The following ZBBX variants were observed in gnomAD, a reference collection of about 807,000 sequenced individuals.
ZBBX encodes the protein zinc finger B-box domain containing, also known as zinc finger B-box domain-containing protein 1.
In ZBBX, 101 loss-of-function variants were observed where a neutral mutation model predicts 108.5. The ratio of observed to expected loss-of-function variants is 0.93; its 90% confidence interval spans 0.79 to 1.10. The LOEUF (loss-of-function observed/expected upper bound fraction) is 1.10. Ranked by LOEUF, ZBBX falls within the 50% of genes least tolerant of loss-of-function variation. The probability of loss-of-function intolerance (pLI) is 0.00; values close to 1 mark genes in which losing one functional copy is unlikely to be tolerated. For missense variants in ZBBX, 1,009 were observed against 941.4 expected, an observed-to-expected ratio of 1.07 and a Z score of -0.94; for synonymous variants, 356 against 323.4, an observed-to-expected ratio of 1.10 and a Z score of -1.08.
At position 167,240,919 on chromosome 3, in the gene ZBBX, G is replaced by A; in HGVS notation, c.2394C>T (p.Ser798=). 1 of 1,612,444 alleles carries A rather than the reference G, an allele frequency of 6.2e-7. No individual in the cohort carries two copies. Among genetic ancestry groups the A allele is most frequent in the South Asian group, 1.1e-5 (1 of 91,038 alleles). ...VRGPCGVEEL[S]CSGRDTKIQS... is the part of the protein sequence containing the mutation. Reference sequence around the variant, plus strand: ...GAATTTTGGTATCTCTTCCAGAACAGCTGAAAATACATAACAAGATCAATA... The same window carrying A: ...GAATTTTGGTATCTCTTCCAGAACAACTGAAAATACATAACAAGATCAATA... The change falls in exon 22 of 22, where the codon AGC becomes AGT. Residue 798 remains serine, a splice_region_variant and synonymous_variant. Transcript: ENST00000675490.
At chr3:167,228,110 G>A in the ZBBX span, among the ~76,000 whole-genome samples, 4 of 151,760 alleles carry the variant, frequency 2.6e-5, no homozygotes, top group South Asian at 2.1e-4. Context: ...CTGATACTGA[G>A]TATTTTTAAA....
At chr3:167,186,480 A>G in the ZBBX span, among the ~76,000 whole-genome samples, 5 of 152,276 alleles carry the variant, frequency 3.3e-5, no homozygotes, top group South Asian at 6.2e-4. Context: ...ACAAGGAGTA[A>G]TAATTTTAAG....
At chr3:167,280,281 CAA>C (rs879821838) in intron 20 of ZBBX, among the ~76,000 whole-genome samples, 4 of 130,456 alleles carry the variant, frequency 3.1e-5, no homozygotes, top group African/African-American at 5.6e-5. Context: ...TTCTGCACAG[CAA>C]AAAAAAAAAA....
chr3:167,363,248 G>A (rs768871557), intron 6 of ZBBX, among the ~76,000 whole-genome samples: 3 of 151,760 alleles, frequency 2.0e-5, no homozygotes, highest in Non-Finnish European at 2.9e-5. Flanking sequence ...ATGGCTCTTT[G>A]GCAATCCATT....
rs35769851 is a variant in ZBBX, at chr3:167,305,872, C to T, written c.1496G>A (p.Ser499Asn). 1.5e-3 allele frequency: 2,342 copies of T among 1,608,636 alleles called. 35 individuals are homozygous for T. In the African/African-American group the frequency reaches 0.028, roughly 19 times the overall value. The change falls in exon 17 of 22, where the codon AGC (serine) becomes AAC (asparagine). Residue 499 changes from serine (S) to asparagine (N), a missense_variant. Ser to Asn is a conservative substitution (Grantham distance 46). Transcript: ENST00000675490. Reference sequence around the variant, plus strand: ...CTTTAAATTTCTTTCAAAGGAGGTGCTTTCCTCAATTTTTTCAATGTCAGA... The same window carrying T: ...CTTTAAATTTCTTTCAAAGGAGGTGTTTTCCTCAATTTTTTCAATGTCAGA... ...YSSDIEKIEE[S>N]TSFERNLKEK...
At chr3:167,214,434 A>T in the ZBBX span, among the ~76,000 whole-genome samples, 1 of 152,172 alleles carries the variant, frequency 6.6e-6, no homozygotes, top group Non-Finnish European at 1.5e-5. Context: ...ATTCAACAAG[A>T]CCTAACTAAT....
At chr3:167,376,269 T>C (rs1162183753) in intron 2 of ZBBX, among the ~76,000 whole-genome samples, 1 of 152,152 alleles carries the variant, frequency 6.6e-6, no homozygotes, top group East Asian at 1.9e-4. Flanking sequence ...AGTATATTTG[T>C]CCCATTTTCA....
intron 1 of ZBBX, among the ~76,000 whole-genome samples, chr3:167,397,494 G>A (rs1035180993): frequency 7.3e-5 from 11 of 151,392 alleles, no homozygotes; most frequent in Admixed American, 5.3e-4. Flanking sequence ...TATCTTCTTC[G>A]AAAGATTGCC....
At chr3:167,238,462 T>G (rs1720321452), downstream of ZBBX, among the ~76,000 whole-genome samples, 1 of 152,092 alleles carries the variant, frequency 6.6e-6, no homozygotes, top group African/African-American at 2.4e-5. Context: ...TTAAAAGACA[T>G]GGAAATGGCT....
chr3:167,277,668 C>T (rs1244829144), intron 20 of ZBBX, among the ~76,000 whole-genome samples: 1 of 152,160 alleles, frequency 6.6e-6, no homozygotes, highest in African/African-American at 2.4e-5. Context: ...TAACACCCCA[C>T]TGTCAACAAT....
At chr3:167,268,962 G>C (rs779988283) in intron 20 of ZBBX, among the ~76,000 whole-genome samples, 3 of 152,176 alleles carry the variant, frequency 2.0e-5, no homozygotes, top group Non-Finnish European at 4.4e-5. Flanking sequence ...TAAAGAGTAT[G>C]GGGGAACAAC....
chr3:167,300,407 G>T (rs1053761790), intron 17 of ZBBX, among the ~76,000 whole-genome samples: 3 of 151,970 alleles, frequency 2.0e-5, no homozygotes, highest in African/African-American at 4.8e-5. Context: ...ACTGGTTTTT[G>T]ATTATGTCAG....
At chr3:167,387,528 T>A (rs935297344) in intron 1 of ZBBX, among the ~76,000 whole-genome samples, 4 of 151,844 alleles carry the variant, frequency 2.6e-5, no homozygotes, top group Non-Finnish European at 4.4e-5. Flanking sequence ...CTGTTCTGGA[T>A]AGAAAAAAGA....
At chr3:167,237,534 G>A (rs565490027), downstream of ZBBX, among the ~76,000 whole-genome samples, 18 of 151,954 alleles carry the variant, frequency 1.2e-4, no homozygotes, top group South Asian at 2.9e-3. Context: ...AACCAGGTCC[G>A]TAGCAGCAAT....
intron 9 of ZBBX, among the ~76,000 whole-genome samples, chr3:167,334,495 AC>A (rs1267806623): frequency 1.3e-5 from 2 of 151,970 alleles, no homozygotes; most frequent in African/African-American, 4.8e-5. Flanking sequence ...GATTGCTTGA[AC>A]CCAGGAGGCG....
the ZBBX span, among the ~76,000 whole-genome samples, chr3:167,179,438 C>T: frequency 1.3e-5 from 2 of 152,200 alleles, no homozygotes; most frequent in Non-Finnish European, 2.9e-5. Flanking sequence ...CATTTGATTC[C>T]CTGCAGTCAA....
chr3:167,206,461 C>A, the ZBBX span, among the ~76,000 whole-genome samples: 3 of 151,706 alleles, frequency 2.0e-5, no homozygotes, highest in African/African-American at 7.3e-5. Flanking sequence ...GAACAGATAT[C>A]TCTACAAAAT....
chr3:167,317,658 C>G, intron 12 of ZBBX, 61 bp from the exon 13 acceptor site: 1 of 1,096,338 alleles, frequency 9.1e-7, no homozygotes, highest in Non-Finnish European at 1.3e-6. Flanking sequence ...CTTTCCCAGA[C>G]AAGCTCTTGA....
intron 20 of ZBBX, among the ~76,000 whole-genome samples, chr3:167,244,340 G>T (rs1721197144): frequency 6.6e-6 from 1 of 152,150 alleles, no homozygotes; most frequent in South Asian, 2.1e-4. Flanking sequence ...CCACAAGAAA[G>T]CAGTAAATTC....
Sources: allele counts gnomAD v4.1 joint callset (sites outside exome capture counted in the v4.1 genomes callset), GRCh38; gene constraint gnomAD v4.1.1; transcripts MANE v1.5; gene names NCBI Gene and HGNC (gene_info 2026-07-23, HGNC 2026-07-21).